CEP83: variants seen among roughly 807,000 people sequenced by gnomAD.
CEP83 encodes the protein centrosomal protein 83, also known as centrosomal protein of 83 kDa.
CEP83 carries 70 observed loss-of-function variants against 101.9 expected under a neutral mutation model. That is an observed-to-expected ratio of 0.69 (90% CI 0.57 to 0.84). CEP83 has a LOEUF of 0.84. Among genes scored for constraint, CEP83 ranks in the 40% least tolerant of loss-of-function variants. The probability of loss-of-function intolerance (pLI) is 0.00; values close to 1 mark genes in which losing one functional copy is unlikely to be tolerated. For missense variants in CEP83, 715 were observed against 787.2 expected (o/e 0.91, Z 1.10); for synonymous variants, 264 against 267.9 (o/e 0.99, Z 0.14).
intron 14 of CEP83, among the ~76,000 whole-genome samples, chr12:94,328,536 G>A (rs1346359583): frequency 6.6e-6 from 1 of 151,966 alleles, no homozygotes; most frequent in Non-Finnish European, 1.5e-5. Context: ...TACATCTTAC[G>A]GCAAAAAATG....
intron 1 of CEP83, among the ~76,000 whole-genome samples, chr12:94,440,861 C>G (rs1033165828): frequency 6.6e-6 from 1 of 152,094 alleles, no homozygotes; most frequent in African/African-American, 2.4e-5. Flanking sequence ...GAACAGAGAA[C>G]CCAGAAACAA....
At chr12:94,435,377 A>G (rs1865212048) in intron 1 of CEP83, 50 bp from the exon 2 acceptor site, 3 of 152,248 alleles carry the variant, frequency 2.0e-5, no homozygotes, top group Admixed American at 2.0e-4. Flanking sequence ...GGACTTACTA[A>G]GTTTCCCCCA....
chr12:94,445,145 CA>C (rs1232785570), intron 1 of CEP83, among the ~76,000 whole-genome samples: 5 of 151,884 alleles, frequency 3.3e-5, no homozygotes. Flanking sequence ...ATCCATTAAA[CA>C]AAAAAGACTG....
intron 1 of CEP83, among the ~76,000 whole-genome samples, chr12:94,437,618 A>G (rs961292065): frequency 2.0e-5 from 3 of 152,240 alleles, no homozygotes; most frequent in African/African-American, 7.2e-5. Context: ...CAATAATTCC[A>G]TATCTAGCAA....
chr12:94,282,350 C>A, the CEP83 span: 1 of 1,614,046 alleles, frequency 6.2e-7, no homozygotes, highest in Non-Finnish European at 8.5e-7. Context: ...ACAGTTCCTC[C>A]GTGATTCTTG....
chr12:94,299,621 G>A, the CEP83 span, among the ~76,000 whole-genome samples: 1 of 151,932 alleles, frequency 6.6e-6, no homozygotes, highest in African/African-American at 2.4e-5. Flanking sequence ...GTGCAGTGGT[G>A]GGATCTCGGT....
the CEP83 span, among the ~76,000 whole-genome samples, chr12:94,292,057 C>G: frequency 2.0e-5 from 3 of 152,198 alleles, no homozygotes; most frequent in Admixed American, 1.3e-4. Context: ...ATCGGTAATT[C>G]TTTCCTTTTA....
intron 8 of CEP83, among the ~76,000 whole-genome samples, chr12:94,373,515 C>T (rs940038511): frequency 1.3e-5 from 2 of 152,102 alleles, no homozygotes; most frequent in African/African-American, 4.8e-5. Context: ...TGATCTTTTT[C>T]AAAGTTCTGA....
At chr12:94,459,264 A>G (rs2067955779) in intron 1 of CEP83, among the ~76,000 whole-genome samples, 1 of 152,212 alleles carries the variant, frequency 6.6e-6, no homozygotes, top group Non-Finnish European at 1.5e-5. Flanking sequence ...TGTTCATTCA[A>G]ATTGTCTTCA....
intron 11 of CEP83, among the ~76,000 whole-genome samples, chr12:94,347,254 A>G (rs2059985118): frequency 6.6e-6 from 1 of 152,098 alleles, no homozygotes; most frequent in African/African-American, 2.4e-5. Flanking sequence ...AAAGTGGCCA[A>G]AATATTTGAA....
the CEP83 span, chr12:94,276,833 T>C: frequency 2.0e-5 from 3 of 152,330 alleles, no homozygotes; most frequent in Admixed American, 2.0e-4. Flanking sequence ...TCCTAGTCGG[T>C]GGCTGGCCCA....
intron 6 of CEP83, among the ~76,000 whole-genome samples, chr12:94,393,456 G>C (rs982426827): frequency 3.3e-5 from 5 of 152,088 alleles, no homozygotes; most frequent in Admixed American, 1.3e-4. Context: ...CAATAAACTA[G>C]GTATTGATGG....
chr12:94,335,678 C>G lies in CEP83; in HGVS notation c.1344-14G>C. 6.5e-7 allele frequency: 1 copy of G among 1,531,982 alleles called. No individual in the cohort carries two copies. Among genetic ancestry groups the G allele is most frequent in the Non-Finnish European group, 8.9e-7 (1 of 1,122,406 alleles). 94.9% of individuals were successfully genotyped at this position (1,531,982 alleles called of 1,614,324 possible). A position where few individuals can be genotyped will look rare whatever the true frequency, so the allele number is the denominator to read the frequency against. ...TGAAGTTTTAACCTAAAAATCACAACCCAACAAAAGGCATTATTAAGAATC... is the reference window on the plus strand; with the variant it reads ...TGAAGTTTTAACCTAAAAATCACAAGCCAACAAAAGGCATTATTAAGAATC... On this transcript the variant is annotated splice_polypyrimidine_tract_variant and intron_variant, in intron 11 of 16. Transcript: ENST00000397809.
At chr12:94,365,110 A>T (rs773224770) in intron 11 of CEP83, among the ~76,000 whole-genome samples, 5 of 152,198 alleles carry the variant, frequency 3.3e-5, no homozygotes, top group Non-Finnish European at 7.3e-5. Context: ...TAATCCTAAT[A>T]TATAAAGAAC....
rs1210831947 is a variant in CEP83, at chr12:94,376,034, A to G, written c.802-17T>C. ...TTTTTCAGCCTTTCATACAAACAAA[A>G]TAGTTTAAAATTCATCATTTTTCAA... On this transcript the variant is annotated splice_polypyrimidine_tract_variant and intron_variant, in intron 7 of 16. Transcript: ENST00000397809. The G allele has an allele frequency of 2.1e-6, 3 of 1,461,872 alleles. No individual in the cohort carries two copies. Among genetic ancestry groups the G allele is most frequent in the Non-Finnish European group, 2.7e-6 (3 of 1,092,760 alleles). 90.6% of individuals were successfully genotyped at this position (1,461,872 alleles called of 1,614,324 possible).
rs1161481202 is a variant in CEP83, at chr12:94,343,470, CTTTTTTTTT to C, written c.1344-7815_1344-7807del. On this transcript the variant is annotated intron_variant, in intron 11 of 16. Coordinates refer to ENST00000397809, the MANE Select transcript of CEP83 (RefSeq NM_016122.3). ...ACAATGCAATAAAGCTAGAAATTAA[CTTTTTTTTT>C]TTTTTTTTTTTTTTTTTTTTTGAGA... is the stretch of plus-strand genomic sequence containing the variant. Among the ~76,000 whole-genome samples the C allele has an allele frequency of 7.8e-3, 654 of 84,138 alleles. 2 individuals carry two copies. The highest frequency in any genetic ancestry group is 0.031 in the African/African-American group (582 of 19,032). 55.2% of individuals were successfully genotyped at this position (84,138 alleles called of 152,430 possible). A position where few individuals can be genotyped will look rare whatever the true frequency, so the allele number is the denominator to read the frequency against.
chr12:94,405,837 A>T (rs1233242645), intron 4 of CEP83, among the ~76,000 whole-genome samples: 3 of 152,168 alleles, frequency 2.0e-5, no homozygotes, highest in African/African-American at 7.2e-5. Context: ...TTAGAGTCCT[A>T]AGACAGGGTA....
intron 2 of CEP83, among the ~76,000 whole-genome samples, chr12:94,414,103 GA>G (rs1380899753): frequency 6.6e-6 from 1 of 152,074 alleles, no homozygotes; most frequent in African/African-American, 2.4e-5. Context: ...AATACAGAGG[GA>G]AAAGTCCCTC....
chr12:94,279,995 G>T, the CEP83 span: 1 of 398,618 alleles, frequency 2.5e-6, no homozygotes, highest in Admixed American at 3.6e-5. Context: ...TGCCCTCTGC[G>T]TGTGTTGCAT....
Sources: gnomAD v4.1 joint callset for allele counts (sites outside exome capture counted in the v4.1 genomes callset) on GRCh38, gnomAD v4.1.1 for gene constraint, MANE v1.5 for transcripts, NCBI Gene and HGNC (gene_info 2026-07-23, HGNC 2026-07-21) for gene names.